RALGPS1: variants seen among roughly 807,000 people sequenced by gnomAD.
The protein encoded by RALGPS1 is Ral GEF with PH domain and SH3 binding motif 1.
Under a neutral mutation model 78.8 loss-of-function variants are expected in RALGPS1, and 19 were observed. The observed-to-expected ratio is 0.24, with a 90% CI of 0.17 to 0.35. The LOEUF is 0.35. Ranked by LOEUF, RALGPS1 falls within the 10% of genes least tolerant of loss-of-function variation. The pLI is 1.00. For missense variants in RALGPS1, 454 were observed against 688.3 expected (o/e 0.66, Z 3.81); for synonymous variants, 228 against 256.3 (o/e 0.89, Z 1.06).
intron 8 of RALGPS1, among the ~76,000 whole-genome samples, chr9:127,083,637 A>G (rs970162035): frequency 1.3e-5 from 2 of 152,174 alleles, no homozygotes; most frequent in Non-Finnish European, 2.9e-5. Context: ...CAGCTTATTA[A>G]ATGAGCTGGA....
rs10665183 is a variant in RALGPS1 at position 126,953,374 on chromosome 9, CGT to C, written c.-65-8835_-65-8834del. 9.0e-3 allele frequency among the ~76,000 whole-genome samples: 1,356 copies of C among 149,998 alleles called. 18 individuals are homozygous for C. Among genetic ancestry groups the C allele is most frequent in the African/African-American group, 0.025 (1,028 of 40,828 alleles). ...ATGTGTGTGCATGTACACGTGCATG[CGT>C]GTGTGTGTGTGTGTGCGCGTGTGTG... On this transcript the variant is annotated intron_variant, in intron 1 of 18. Coordinates refer to ENST00000259351, the MANE Select transcript of RALGPS1 (RefSeq NM_014636.3).
At chr9:127,162,676 C>T (rs1486640977) in intron 8 of RALGPS1, among the ~76,000 whole-genome samples, 2 of 152,100 alleles carry the variant, frequency 1.3e-5, no homozygotes, top group East Asian at 1.9e-4. Context: ...TGGGCATCTG[C>T]ACGTTTTGTA....
intron 10 of RALGPS1, among the ~76,000 whole-genome samples, chr9:127,171,587 C>T (rs1021205014): frequency 6.6e-6 from 1 of 152,102 alleles, no homozygotes; most frequent in Non-Finnish European, 1.5e-5. Context: ...TGGTGAGCCC[C>T]GTCTCTACTA....
rs1347566671 is a variant in RALGPS1, at chr9:127,219,683, T to C, written c.*914T>C. Reference sequence around the variant, plus strand: ...CATGCCAGAATGGGAAGTTGTGACGTTGCAGCTCCAACCGACGTGCTCATA... The same window carrying C: ...CATGCCAGAATGGGAAGTTGTGACGCTGCAGCTCCAACCGACGTGCTCATA... On this transcript the variant is annotated 3_prime_UTR_variant, in exon 19 of 19. Coordinates refer to ENST00000259351, the MANE Select transcript of RALGPS1 (RefSeq NM_014636.3). This position sits in a 1 kb window ranked among gnomAD's most constrained non-coding sequence, Gnocchi z 5.0. The C allele has an allele frequency of 6.6e-6, 1 of 152,606 alleles. No individual in the cohort carries two copies. Among genetic ancestry groups the C allele is most frequent in the East Asian group, 1.9e-4 (1 of 5,200 alleles). The allele number at this position is 152,606 out of a possible 1,614,324, so 9.5% of individuals were successfully genotyped here. A position where few individuals can be genotyped will look rare whatever the true frequency, so the allele number is the denominator to read the frequency against.
At chr9:127,185,657 G>A (rs1433787451) in intron 11 of RALGPS1, among the ~76,000 whole-genome samples, 1 of 152,206 alleles carries the variant, frequency 6.6e-6, no homozygotes, top group African/African-American at 2.4e-5. Context: ...TATTGTTGTA[G>A]TTATACTACT....
chr9:127,060,575 C>T (rs190823060), intron 7 of RALGPS1, among the ~76,000 whole-genome samples: 3 of 152,164 alleles, frequency 2.0e-5, no homozygotes, highest in Non-Finnish European at 4.4e-5. Flanking sequence ...TGACTATTCT[C>T]GAATGGGTTG....
Position 127,210,473 on chromosome 9 carries a change from C to T in RALGPS1, c.1248-1658C>T, listed in dbSNP as rs568778021. Reference sequence around the variant, plus strand: ...TCAATAAAAAGTTGAAAGAATTACGCGGAGACTTGGAGACTCTGAGGGGTG... The same window carrying T: ...TCAATAAAAAGTTGAAAGAATTACGTGGAGACTTGGAGACTCTGAGGGGTG... On this transcript the variant is annotated intron_variant, in intron 14 of 18. Coordinates refer to ENST00000259351, the MANE Select transcript of RALGPS1 (RefSeq NM_014636.3). The T allele has an allele frequency of 2.2e-4, 128 of 572,148 alleles. 2 individuals carry two copies. The highest frequency in any genetic ancestry group is 2.2e-3 in the African/African-American group (115 of 53,284). The allele number at this position is 572,148 out of a possible 1,614,324, so 35.4% of individuals were successfully genotyped here.
chr9:127,175,301 G>A (rs2059797786), intron 11 of RALGPS1, among the ~76,000 whole-genome samples: 1 of 152,186 alleles, frequency 6.6e-6, no homozygotes, highest in Non-Finnish European at 1.5e-5. Context: ...TCCTGGCTTT[G>A]TCACTTTACC....
At chr9:127,040,049 CA>C (rs1299604623) in intron 5 of RALGPS1, among the ~76,000 whole-genome samples, 1 of 152,096 alleles carries the variant, frequency 6.6e-6, no homozygotes, top group East Asian at 1.9e-4. Context: ...TAGGGGTTGG[CA>C]AAGCAGATTT....
intron 8 of RALGPS1, among the ~76,000 whole-genome samples, chr9:127,124,447 T>C (rs1038833496): frequency 6.6e-6 from 1 of 152,158 alleles, no homozygotes; most frequent in Non-Finnish European, 1.5e-5. Context: ...GCTGCATCAC[T>C]GTCAGCTGTA....
At chr9:126,928,952 T>C (rs2035557903) in intron 1 of RALGPS1, among the ~76,000 whole-genome samples, 1 of 152,152 alleles carries the variant, frequency 6.6e-6, no homozygotes, top group Non-Finnish European at 1.5e-5. Flanking sequence ...CTAACCTCTT[T>C]GGGCCTCAGT....
In RALGPS1 at chr9:127,217,273, T is replaced by C. The variant is rs187021210; in HGVS notation, c.1645-1467T>C. ...CTTCCTACTTTCCCCCTTTTTTATT[T>C]CTAATTTACTTTCAACCAAATATTC... On this transcript the variant is annotated intron_variant, in intron 18 of 18. Coordinates refer to ENST00000259351, the MANE Select transcript of RALGPS1 (RefSeq NM_014636.3). The C allele has an allele frequency of 9.3e-5, 107 of 1,152,010 alleles. No individual in the cohort carries two copies. The African/African-American group carries it at 1.7e-3, about 18-fold the overall frequency. 71.4% of individuals were successfully genotyped at this position (1,152,010 alleles called of 1,614,324 possible).
intron 1 of RALGPS1, among the ~76,000 whole-genome samples, chr9:126,957,918 C>T (rs539474372): frequency 2.0e-5 from 3 of 151,722 alleles, no homozygotes; most frequent in East Asian, 3.9e-4. Context: ...GTGGGAGGAT[C>T]GCTTGAGCCC....
At chr9:127,099,459 C>T (rs2053502894) in intron 8 of RALGPS1, among the ~76,000 whole-genome samples, 1 of 152,192 alleles carries the variant, frequency 6.6e-6, no homozygotes, top group Non-Finnish European at 1.5e-5. Context: ...TCTGCAATTT[C>T]CTACCCAAAT....
At position 127,196,581 on chromosome 9, in the gene RALGPS1, G is replaced by A; in HGVS notation, c.1145G>A (p.Arg382Lys). The A allele has an allele frequency of 2.5e-6, 4 of 1,614,000 alleles. No homozygotes were observed. The highest frequency in any genetic ancestry group is 1.1e-5 in the South Asian group (1 of 91,050). The change falls in exon 13 of 19, where the codon AGG becomes AAG. Residue 382 changes from arginine to lysine, a missense_variant. Arg to Lys is a conservative substitution (Grantham distance 26, BLOSUM62 2). Coordinates refer to ENST00000259351, the MANE Select transcript of RALGPS1 (RefSeq NM_014636.3). ...GTCCTAGAGTCCCGCAGCCCCCGAAGGGGCCTGGCTCTGACCTCCTCCTCT... is the reference window on the plus strand; with the variant it reads ...GTCCTAGAGTCCCGCAGCCCCCGAAAGGGCCTGGCTCTGACCTCCTCCTCT... ...DSVLESRSPR[R>K]GLALTSSSAV...
intron 7 of RALGPS1, among the ~76,000 whole-genome samples, chr9:127,059,590 G>C (rs935844909): frequency 3.9e-5 from 6 of 152,112 alleles, no homozygotes; most frequent in African/African-American, 1.4e-4. Context: ...CACCTTCCCT[G>C]ATCCATTTGC....
At position 126,972,839 on chromosome 9, in the gene RALGPS1, G is replaced by A. The variant is rs554673270; in HGVS notation, c.166-4856G>A. On this transcript the variant is annotated intron_variant, in intron 3 of 18. Coordinates refer to ENST00000259351, the MANE Select transcript of RALGPS1 (RefSeq NM_014636.3). ...AACACTTTGGGAGGCTGAGGTGGGCGGATCACAAGGTCAGGAGTTTGAGAC... is the reference window on the plus strand; with the variant it reads ...AACACTTTGGGAGGCTGAGGTGGGCAGATCACAAGGTCAGGAGTTTGAGAC... Among the ~76,000 whole-genome samples the A allele has an allele frequency of 1.1e-4, 17 of 152,266 alleles. No homozygotes were observed. In the East Asian group the frequency reaches 1.2e-3, roughly 10 times the overall value.
intron 1 of RALGPS1, among the ~76,000 whole-genome samples, chr9:126,932,738 TA>T (rs1318406264): frequency 6.6e-6 from 1 of 152,112 alleles, no homozygotes; most frequent in Non-Finnish European, 1.5e-5. Flanking sequence ...AAAAATGTTA[TA>T]AAAACATTTT....
chr9:127,080,979 G>A (rs1044972675), intron 8 of RALGPS1, among the ~76,000 whole-genome samples: 1 of 152,178 alleles, frequency 6.6e-6, no homozygotes, highest in African/African-American at 2.4e-5. Context: ...AGTGCAGTGG[G>A]GAGCATCCTT....
Sources: gnomAD v4.1 joint callset for allele counts (sites outside exome capture counted in the v4.1 genomes callset) on GRCh38, gnomAD v4.1.1 for gene constraint, Gnocchi (gnomAD v3.1) non-coding constraint, MANE v1.5 for transcripts, NCBI Gene and HGNC (gene_info 2026-07-23, HGNC 2026-07-21) for gene names.